The following IPO11 variants were observed in gnomAD, a reference collection of about 807,000 sequenced individuals.
IPO11 encodes the protein importin-11.
Under a neutral mutation model 143.2 loss-of-function variants are expected in IPO11, and 66 were observed. The ratio of observed to expected loss-of-function variants is 0.46; its 90% CI spans 0.38 to 0.57. IPO11 has a LOEUF of 0.57. IPO11 is among the 20% of genes least tolerant of loss of function. IPO11 has a pLI of 0.00. For missense variants in IPO11, 1,026 were observed against 1,141.0 expected (o/e 0.90, Z 1.45); for synonymous variants, 385 against 377.8 (o/e 1.02, Z -0.22).
chr5:62,575,365 G>A (rs1199120520), intron 27 of IPO11, among the ~76,000 whole-genome samples: 2 of 152,246 alleles, frequency 1.3e-5, no homozygotes, highest in South Asian at 4.1e-4. Flanking sequence ...TGTGTAAGTT[G>A]TATTTGCCAT....
intron 9 of IPO11, 39 bp from the exon 10 acceptor site, chr5:62,483,062 A>T: frequency 7.8e-7 from 1 of 1,274,852 alleles, no homozygotes; most frequent in East Asian, 2.5e-5. Context: ...GAATTTGGGG[A>T]AAATACATTT....
intron 27 of IPO11, among the ~76,000 whole-genome samples, chr5:62,585,217 C>CT (rs1280913772): frequency 1.3e-5 from 2 of 152,178 alleles, no homozygotes; most frequent in South Asian, 2.1e-4. Context: ...GTCTGAGACT[C>CT]TGAGGAGCAA....
At chr5:62,604,349 C>T (rs1182863842) in intron 29 of IPO11, among the ~76,000 whole-genome samples, 1 of 150,564 alleles carries the variant, frequency 6.6e-6, no homozygotes, top group African/African-American at 2.5e-5. Flanking sequence ...GCTGGGACTA[C>T]AAGTGTGTGC....
Position 62,456,812 on chromosome 5 carries a change from G to A in IPO11, c.516+4879G>A, listed in dbSNP as rs139759487. ...AGTAAGCTATTAAAATCTGATGTGGGGCCGGGTGCGGTGGCTCACGCCTGT... is the reference window on the plus strand; with the variant it reads ...AGTAAGCTATTAAAATCTGATGTGGAGCCGGGTGCGGTGGCTCACGCCTGT... On this transcript the variant is annotated intron_variant, in intron 5 of 29. Transcript: ENST00000325324. Among the ~76,000 whole-genome samples, 305 of 152,316 alleles carry A rather than the reference G, an allele frequency of 2.0e-3. 2 individuals are homozygous for A. Among genetic ancestry groups the A allele is most frequent in the African/African-American group, 7.2e-3 (298 of 41,562 alleles).
At chr5:62,545,213 A>G (rs1263612024) in intron 24 of IPO11, among the ~76,000 whole-genome samples, 1 of 152,246 alleles carries the variant, frequency 6.6e-6, no homozygotes, top group Non-Finnish European at 1.5e-5. Flanking sequence ...ACAAGGCTAC[A>G]TTAACCAAAA....
intron 5 of IPO11, among the ~76,000 whole-genome samples, chr5:62,452,981 A>G (rs1723105930): frequency 6.6e-6 from 1 of 150,460 alleles, no homozygotes; most frequent in African/African-American, 2.5e-5. Flanking sequence ...AGTGTTTTTA[A>G]CAGTGTTCTT....
Position 62,456,186 on chromosome 5 carries a change from G to A in IPO11, c.516+4253G>A, listed in dbSNP as rs149489447. On this transcript the variant is annotated intron_variant, in intron 5 of 29. Transcript: ENST00000325324. ...GTCACCATGCCTGGCTAATTTTTGT[G>A]TTTTTGGTAGAGATGGGGTTTTGCC... is the stretch of plus-strand genomic sequence containing the variant. 2.8e-3 allele frequency among the ~76,000 whole-genome samples: 429 copies of A among 152,024 alleles called. 1 individual carries two copies. The highest frequency in any genetic ancestry group is 0.01 in the African/African-American group (418 of 41,448).
At chr5:62,542,321 C>G (rs1742985782) in intron 24 of IPO11, among the ~76,000 whole-genome samples, 1 of 151,914 alleles carries the variant, frequency 6.6e-6, no homozygotes, top group African/African-American at 2.4e-5. Context: ...TAAATATGTT[C>G]ATTATGAATA....
intron 26 of IPO11, among the ~76,000 whole-genome samples, 162 bp downstream of exon 26, chr5:62,551,498 G>C (rs866336488): frequency 6.6e-6 from 1 of 152,176 alleles, no homozygotes; most frequent in Admixed American, 6.5e-5. Context: ...GGTAGAAAAA[G>C]AATCTGTAAG....
At chr5:62,455,345 C>CAG (rs1300989070) in intron 5 of IPO11, among the ~76,000 whole-genome samples, 1 of 151,822 alleles carries the variant, frequency 6.6e-6, no homozygotes, top group Non-Finnish European at 1.5e-5. Context: ...CATGGTGAAA[C>CAG]CCTGTCTGTA....
At chr5:62,578,023 TA>T (rs1250876910) in intron 27 of IPO11, among the ~76,000 whole-genome samples, 3 of 152,114 alleles carry the variant, frequency 2.0e-5, no homozygotes, top group African/African-American at 7.2e-5. Context: ...AAAATGACGT[TA>T]AAAAATTCTC....
At chr5:62,504,287 C>T (rs932805613) in intron 16 of IPO11, among the ~76,000 whole-genome samples, 1 of 152,148 alleles carries the variant, frequency 6.6e-6, no homozygotes, top group Non-Finnish European at 1.5e-5. Flanking sequence ...TTCCTTGTCT[C>T]CTTTTGCACC....
rs547615318 is a variant in IPO11, at chr5:62,461,630, C to A, written c.517-5501C>A. On this transcript the variant is annotated intron_variant, in intron 5 of 29. Transcript: ENST00000325324. The stretch of plus-strand genomic sequence containing the variant: ...AGAACTTTAAGAGATGCCTGATGTC[C>A]TTGACTATTAGGTTTTTGTTTTTAA... 2.4e-4 allele frequency among the ~76,000 whole-genome samples: 37 copies of A among 152,236 alleles called. 1 individual carries two copies. The highest frequency in any genetic ancestry group is 7.0e-4 in the African/African-American group (29 of 41,532).
At position 62,578,127 on chromosome 5, in the gene IPO11, C is replaced by G. The variant is rs375767038; in HGVS notation, c.2583-13450C>G. ...TCCCCAATTTTTCTTGCAAAGATAA[C>G]CTATGTCAGTAAGTTGGTATGCAGC... On this transcript the variant is annotated intron_variant, in intron 27 of 29. Transcript: ENST00000325324. 9.2e-5 allele frequency among the ~76,000 whole-genome samples: 14 copies of G among 152,162 alleles called. 1 individual carries two copies. The highest frequency in any genetic ancestry group is 6.5e-4 in the Admixed American group (10 of 15,286).
chr5:62,456,102 C>T (rs1464159645), intron 5 of IPO11, among the ~76,000 whole-genome samples: 2 of 152,092 alleles, frequency 1.3e-5, no homozygotes, highest in Admixed American at 1.3e-4. Context: ...GACCTTGGCT[C>T]ACTGTAACCT....
intron 1 of IPO11, among the ~76,000 whole-genome samples, chr5:62,418,315 G>A (rs529957672): frequency 1.2e-3 from 175 of 152,104 alleles, no homozygotes; most frequent in Non-Finnish European, 2.2e-3. Context: ...ACAGACGTGC[G>A]CCACCATGCC....
At chr5:62,518,651 CT>C in intron 20 of IPO11, among the ~76,000 whole-genome samples, 1 of 152,074 alleles carries the variant, frequency 6.6e-6, no homozygotes, top group Non-Finnish European at 1.5e-5. Context: ...AATTTCCTTT[CT>C]TGCAAAATAC....
At position 62,530,738 on chromosome 5, in the gene IPO11, T is replaced by C; in HGVS notation, c.2042T>C (p.Ile681Thr). ...GTAACTTTGGAAAACAGTCCATGTA[T>C]TACACCAGAGTTGCTTCGTATATTT... ...WLVTLENSPCITPELLRIFQN... is the reference protein window; with the variant it reads ...WLVTLENSPCTTPELLRIFQN... Residue 681 changes from isoleucine to threonine, a missense_variant, in exon 22 of 30, where the codon ATT (isoleucine) becomes ACT (threonine). Coordinates refer to ENST00000325324, the MANE Select transcript of IPO11 (RefSeq NM_016338.5). The C allele has an allele frequency of 4.3e-6, 7 of 1,613,146 alleles. No individual in the cohort carries two copies. The highest frequency in any genetic ancestry group is 5.1e-6 in the Non-Finnish European group (6 of 1,179,342).
At chr5:62,535,229 T>G (rs569862688) in intron 22 of IPO11, among the ~76,000 whole-genome samples, 38 of 150,950 alleles carry the variant, frequency 2.5e-4, no homozygotes, top group South Asian at 6.3e-4. Context: ...TAAATGTTGG[T>G]TTTTTTTTAA....
Sources: allele counts gnomAD v4.1 joint callset (sites outside exome capture counted in the v4.1 genomes callset), GRCh38; gene constraint gnomAD v4.1.1; transcripts MANE v1.5; gene names NCBI Gene and HGNC (gene_info 2026-07-23, HGNC 2026-07-21).